Variants in TAF15 observed in about 807,000 individuals in gnomAD.
TAF15 encodes TATA-box binding protein associated factor 15, also known as TATA-binding protein-associated factor 2N.
In TAF15, 37 loss-of-function variants were observed where a neutral mutation model predicts 102.5. The observed-to-expected ratio is 0.36, with a 90% CI of 0.28 to 0.47. The LOEUF is 0.47. Ranked by LOEUF, TAF15 falls within the 20% of genes least tolerant of loss-of-function variation. The pLI is 0.99. For synonymous variants in TAF15, 273 were observed against 259.2 expected, an observed-to-expected ratio of 1.05 and a Z score of -0.51; for missense variants, 652 against 760.7, an observed-to-expected ratio of 0.86 and a Z score of 1.68.
chr17:35,843,297 A>G (rs1223533848), intron 12 of TAF15, among the ~76,000 whole-genome samples: 1 of 151,360 alleles, frequency 6.6e-6, no homozygotes, highest in African/African-American at 2.4e-5. Context: ...TTAATTTTGT[A>G]TTTTTAGTAG....
At chr17:35,810,218 T>G (rs1568236176) in intron 1 of TAF15, 1 of 160,378 alleles carries the variant, frequency 6.2e-6, no homozygotes, top group Non-Finnish European at 1.4e-5. Flanking sequence ...CCATTCGTCT[T>G]CCCCACCAGT....
In TAF15 at chr17:35,844,827, G is replaced by A. The variant is rs757049452; in HGVS notation, c.1528G>A (p.Gly510Arg). ...TGGAGGAGATCGAGGAGGTTACGGA[G>A]GAGATCGAGGAGGTTATGGAGGAGA... is the stretch of plus-strand genomic sequence containing the variant. ...GYGGDRGGYG[G>R]DRGGYGGDRG... Residue 510 changes from glycine to arginine, a missense_variant, in exon 15 of 16, where the codon GGA becomes AGA. Gly to Arg is a moderately radical substitution (Grantham distance 125, BLOSUM62 -2). This residue lies in a region of TAF15 where 368 missense variants were observed against 367.5 expected (regional missense o/e 1.00). Transcript: ENST00000605844. 1.2e-6 allele frequency: 2 copies of A among 1,602,134 alleles called. No homozygotes were observed. The highest frequency in any genetic ancestry group is 1.7e-5 in the Admixed American group (1 of 59,532).
chr17:35,836,121 T>C lies in TAF15; in HGVS notation c.674-11T>C, dbSNP rs1463587388. On this transcript the variant is annotated splice_polypyrimidine_tract_variant and intron_variant, in intron 9 of 15. Coordinates refer to ENST00000605844, the MANE Select transcript of TAF15 (RefSeq NM_139215.3). ...AATATGTAAAATTAACCATCACTTT[T>C]TTTCTCTTAGATTCAGAATCTGATA... 2 of 1,587,052 alleles carry C rather than the reference T, an allele frequency of 1.3e-6. No homozygotes were observed. Among genetic ancestry groups the C allele is most frequent in the Non-Finnish European group, 1.7e-6 (2 of 1,155,752 alleles).
chr17:35,838,556 A>G lies in TAF15; in HGVS notation c.913+3A>G. ...GGCAGCCATTGACTGGTTTGATGGTATGCCTCATTCGTATAGTTTTCAGCA... is the reference window on the plus strand; with the variant it reads ...GGCAGCCATTGACTGGTTTGATGGTGTGCCTCATTCGTATAGTTTTCAGCA... On this transcript the variant is annotated splice_donor_region_variant and intron_variant, in intron 11 of 15. Coordinates refer to ENST00000605844, the MANE Select transcript of TAF15 (RefSeq NM_139215.3). 2 of 1,614,122 alleles carry G rather than the reference A, an allele frequency of 1.2e-6. No individual in the cohort carries two copies. The highest frequency in any genetic ancestry group is 1.1e-5 in the South Asian group (1 of 91,068).
intron 8 of TAF15, 135 bp downstream of exon 8, chr17:35,834,076 ATT>A: frequency 1.7e-6 from 1 of 602,814 alleles, no homozygotes; most frequent in Non-Finnish European, 2.8e-6. Context: ...TTTAAAAAAA[ATT>A]TTATATATAT....
intron 1 of TAF15, among the ~76,000 whole-genome samples, chr17:35,816,104 G>A (rs2143745877): frequency 6.6e-6 from 1 of 152,218 alleles, no homozygotes; most frequent in African/African-American, 2.4e-5. Flanking sequence ...TGGGATTACA[G>A]GGATGAGCCA....
chr17:35,839,228 C>T (rs1170244659), intron 11 of TAF15, among the ~76,000 whole-genome samples: 1 of 149,726 alleles, frequency 6.7e-6, no homozygotes, highest in Non-Finnish European at 1.5e-5. Flanking sequence ...CTGCAGTGAG[C>T]TGTGATTGAG....
At chr17:35,839,341 A>G (rs1208487402) in intron 11 of TAF15, among the ~76,000 whole-genome samples, 1 of 148,614 alleles carries the variant, frequency 6.7e-6, no homozygotes, top group Non-Finnish European at 1.5e-5. Context: ...CTTCAAATAT[A>G]AAGTTAATAC....
At chr17:35,836,273 A>C in intron 10 of TAF15, 32 bp downstream of exon 10, 36 of 1,399,912 alleles carry the variant, frequency 2.6e-5, no homozygotes, top group Non-Finnish European at 3.2e-5. Context: ...TGAAAATCTC[A>C]TAATTAATGT....
At chr17:35,834,740 CTTT>C (rs533058888) in intron 9 of TAF15, 142 bp downstream of exon 9, 3,883 of 232,414 alleles carry the variant, frequency 0.017, no homozygotes, top group Middle Eastern at 0.024. Context: ...AGCTTTATTT[CTTT>C]TTTTTTTTTT....
chr17:35,822,976 C>T (rs2087281912), intron 6 of TAF15, 143 bp downstream of exon 6: 3 of 1,031,056 alleles, frequency 2.9e-6, no homozygotes, highest in African/African-American at 1.6e-5. Flanking sequence ...TCATGGTAAT[C>T]AAAACTAGTT....
chr17:35,830,033 G>C (rs368894288), intron 7 of TAF15: 28 of 152,270 alleles, frequency 1.8e-4, no homozygotes, highest in African/African-American at 6.5e-4. Flanking sequence ...CCAGCTACTC[G>C]GGAGGCTGAC....
At chr17:35,838,596 T>TA (rs745940879) in intron 11 of TAF15, 43 bp downstream of exon 11, 9 of 1,607,720 alleles carry the variant, frequency 5.6e-6, no homozygotes, top group Middle Eastern at 1.7e-4. Flanking sequence ...GTTGGATAAA[T>TA]GTTTTCTAGT....
intron 5 of TAF15, among the ~76,000 whole-genome samples, chr17:35,821,857 G>C (rs941508150): frequency 6.6e-6 from 1 of 152,028 alleles, no homozygotes; most frequent in Non-Finnish European, 1.5e-5. Context: ...TTAGAAGACT[G>C]TACTATAGGT....
At chr17:35,842,829 T>G (rs867901251) in intron 12 of TAF15, among the ~76,000 whole-genome samples, 1 of 151,796 alleles carries the variant, frequency 6.6e-6, no homozygotes, top group South Asian at 2.1e-4. Context: ...GCCTCCCGGG[T>G]TCAAGTGATT....
intron 11 of TAF15, among the ~76,000 whole-genome samples, chr17:35,840,897 T>TCC (rs1272045059): frequency 1.3e-5 from 2 of 152,086 alleles, no homozygotes; most frequent in African/African-American, 2.4e-5. Flanking sequence ...ACCCTGTCTG[T>TCC]CCCCGTCTCT....
chr17:35,818,035 C>T (rs990057590), intron 2 of TAF15, among the ~76,000 whole-genome samples: 1 of 152,120 alleles, frequency 6.6e-6, no homozygotes, highest in African/African-American at 2.4e-5. Context: ...GATCCTCCTG[C>T]CTCAGTCTCC....
chr17:35,825,751 A>G (rs2087317273), intron 7 of TAF15, among the ~76,000 whole-genome samples: 1 of 152,128 alleles, frequency 6.6e-6, no homozygotes, highest in African/African-American at 2.4e-5. Flanking sequence ...GATGGAGACC[A>G]TCCTGGCCAA....
At position 35,822,779 on chromosome 17, in the gene TAF15, C is replaced by T; in HGVS notation, c.430C>T (p.Gln144Ter). Residue 144 changes from glutamine (Q) to a stop codon, truncating the protein, a stop_gained, in exon 6 of 16, where the codon CAA becomes TAA. Transcript: ENST00000605844. LOFTEE classifies it high-confidence loss of function. ...TGATCAGCAGCATGATTCCTATAGTCAAAACCAGCAGTCCTATCATTCACA... is the reference window on the plus strand; with the variant it reads ...TGATCAGCAGCATGATTCCTATAGTTAAAACCAGCAGTCCTATCATTCACA... ...NYDQQHDSYSQNQQSYHSQRE... is the reference protein window; with the variant it reads ...NYDQQHDSYS 6.2e-7 allele frequency: 1 copy of T among 1,614,178 alleles called. No homozygotes were observed.
Sources: allele counts gnomAD v4.1 joint callset (sites outside exome capture counted in the v4.1 genomes callset), GRCh38; gene constraint gnomAD v4.1.1; regional missense constraint gnomAD v4.1.1; transcripts MANE v1.5; gene names NCBI Gene and HGNC (gene_info 2026-07-23, HGNC 2026-07-21).